CMIP: variants seen among roughly 807,000 people sequenced by gnomAD.
CMIP encodes C-Maf-inducing protein.
A neutral mutation model predicts 97.3 loss-of-function variants in CMIP; 13 were observed. The ratio of observed to expected loss-of-function variants is 0.13; its 90% CI spans 0.09 to 0.21. The LOEUF (loss-of-function observed/expected upper bound fraction) is 0.21. CMIP is among the 10% of genes least tolerant of loss of function. CMIP has a pLI of 1.00. For synonymous variants in CMIP, 538 were observed against 436.3 expected (o/e 1.23, Z -2.91); for missense variants, 847 against 1,024.9 (o/e 0.83, Z 2.37).
intron 1 of CMIP, among the ~76,000 whole-genome samples, chr16:81,570,140 T>G (rs1020243210): frequency 2.6e-5 from 4 of 152,216 alleles, no homozygotes; most frequent in Non-Finnish European, 1.5e-5. Flanking sequence ...GATCCTTGTT[T>G]GCTGTGATTT....
At chr16:81,547,086 G>A (rs1021405493) in intron 1 of CMIP, among the ~76,000 whole-genome samples, 2 of 152,184 alleles carry the variant, frequency 1.3e-5, no homozygotes, top group Non-Finnish European at 2.9e-5. Flanking sequence ...CACAGATGTG[G>A]GATGGCCGAG....
intron 1 of CMIP, among the ~76,000 whole-genome samples, chr16:81,580,564 G>C (rs2091279652): frequency 6.6e-6 from 1 of 151,414 alleles, no homozygotes; most frequent in Non-Finnish European, 1.5e-5. Context: ...CTCCCAAGTA[G>C]CTGGGACTAT....
chr16:81,688,833 G>A (rs574671726), intron 10 of CMIP, among the ~76,000 whole-genome samples: 131 of 152,040 alleles, frequency 8.6e-4, no homozygotes, highest in African/African-American at 2.5e-3. Context: ...AACAGGCCCC[G>A]GTGTGTGATG....
intron 1 of CMIP, among the ~76,000 whole-genome samples, chr16:81,471,211 CACAT>C (rs574235590): frequency 2.4e-3 from 368 of 152,318 alleles, no homozygotes; most frequent in African/African-American, 3.8e-3. Context: ...CATGCGCACA[CACAT>C]ACATGTACAC....
At chr16:81,465,555 G>A (rs1459595808) in intron 1 of CMIP, among the ~76,000 whole-genome samples, 1 of 152,240 alleles carries the variant, frequency 6.6e-6, no homozygotes, top group Non-Finnish European at 1.5e-5. Context: ...ACAATGCCTG[G>A]TTGTGGTTAG....
At chr16:81,585,091 C>G (rs1288139385) in intron 1 of CMIP, among the ~76,000 whole-genome samples, 1 of 152,208 alleles carries the variant, frequency 6.6e-6, no homozygotes. Context: ...CCTGTAATCC[C>G]AGCACTTTGG....
At chr16:81,696,462 A>G (rs2151088254) in intron 13 of CMIP, 98 bp from the exon 14 acceptor site, 1 of 1,206,370 alleles carries the variant, frequency 8.3e-7, no homozygotes, top group Non-Finnish European at 1.2e-6. Flanking sequence ...TGACTGCAGG[A>G]CTTGCCTGAG....
rs149240354 is a variant in CMIP, at chr16:81,544,427, A to AGTGT, written c.301-63126_301-63123dup. On this transcript the variant is annotated intron_variant, in intron 1 of 20. Coordinates refer to ENST00000537098, the MANE Select transcript of CMIP (RefSeq NM_198390.3). The stretch of plus-strand genomic sequence containing the variant: ...GACTCTGTCTCATCCTCAGGGGGTA[A>AGTGT]GTGTGTGTGTGTGTGTGCGCGCACA... Among the ~76,000 whole-genome samples, 1,130 of 150,990 alleles carry AGTGT rather than the reference A, an allele frequency of 7.5e-3. 5 individuals carry two copies. The highest frequency in any genetic ancestry group is 0.021 in the East Asian group (106 of 5,104).
chr16:81,584,018 G>C (rs1339308038), intron 1 of CMIP, among the ~76,000 whole-genome samples: 4 of 152,226 alleles, frequency 2.6e-5, no homozygotes, highest in African/African-American at 9.6e-5. Flanking sequence ...GGAAGGTGTG[G>C]AGGAATTGAA....
chr16:81,645,707 C>A, intron 3 of CMIP: 16 of 1,334,526 alleles, frequency 1.2e-5, no homozygotes, highest in Non-Finnish European at 1.6e-5. Context: ...TTGCCGCTGG[C>A]TGGTGGGGCT....
intron 1 of CMIP, among the ~76,000 whole-genome samples, chr16:81,541,536 C>G (rs1014340895): frequency 2.0e-5 from 3 of 152,126 alleles, no homozygotes; most frequent in Non-Finnish European, 4.4e-5. Context: ...GTTTACCAAA[C>G]CTGGTTACGC....
At chr16:81,577,136 C>T (rs374575434) in intron 1 of CMIP, among the ~76,000 whole-genome samples, 2 of 146,374 alleles carry the variant, frequency 1.4e-5, no homozygotes, top group South Asian at 2.1e-4. Context: ...CTATCACCTT[C>T]ATCACCACCA....
chr16:81,623,246 G>A (rs922916935), intron 3 of CMIP, among the ~76,000 whole-genome samples: 1 of 152,232 alleles, frequency 6.6e-6, no homozygotes, highest in Middle Eastern at 3.2e-3. Context: ...GATTCAGACA[G>A]TTGATTGAGC....
At chr16:81,676,043 C>T (rs903183355) in intron 9 of CMIP, among the ~76,000 whole-genome samples, 1 of 152,130 alleles carries the variant, frequency 6.6e-6, no homozygotes. Flanking sequence ...AGTTCCATTC[C>T]CCTCTGGCTG....
chr16:81,564,869 G>A (rs191403903), intron 1 of CMIP, among the ~76,000 whole-genome samples: 8 of 152,136 alleles, frequency 5.3e-5, no homozygotes, highest in African/African-American at 1.7e-4. Context: ...GAATGAATTC[G>A]CAGAGGAGAA....
intron 1 of CMIP, among the ~76,000 whole-genome samples, chr16:81,450,465 G>T (rs923893912): frequency 6.6e-6 from 1 of 152,180 alleles, no homozygotes; most frequent in African/African-American, 2.4e-5. Context: ...CATGTCTAGG[G>T]TTGCTGTAAG....
intron 1 of CMIP, among the ~76,000 whole-genome samples, chr16:81,586,588 C>A (rs1323196001): frequency 6.6e-6 from 1 of 152,114 alleles, no homozygotes; most frequent in African/African-American, 2.4e-5. Flanking sequence ...TCTCTGTAAT[C>A]GAGATTTAAT....
chr16:81,444,969 G>A lies in CMIP; in HGVS notation c.-273G>A, dbSNP rs1025459222. On this transcript the variant is annotated 5_prime_UTR_variant, in exon 1 of 21. Transcript: ENST00000537098. ...TCGGCCTCCCCCGCCCCTCCCCGTC[G>A]CCCGCCGAGCCCGGTCAGCCGCCGC... 7.7e-6 allele frequency among the ~76,000 whole-genome samples: 1 copy of A among 129,324 alleles called. No homozygotes were observed. The highest frequency in any genetic ancestry group is 1.6e-5 in the Non-Finnish European group (1 of 60,940). 84.8% of individuals were successfully genotyped at this position (129,324 alleles called of 152,430 possible). A position where few individuals can be genotyped will look rare whatever the true frequency, so the allele number is the denominator to read the frequency against.
At chr16:81,571,021 T>C (rs1188835347) in intron 1 of CMIP, among the ~76,000 whole-genome samples, 1 of 152,218 alleles carries the variant, frequency 6.6e-6, no homozygotes, top group Non-Finnish European at 1.5e-5. Context: ...ATAAAATGTT[T>C]TAATATTATT....
Sources: gnomAD v4.1 joint callset for allele counts (sites outside exome capture counted in the v4.1 genomes callset) on GRCh38, gnomAD v4.1.1 for gene constraint, MANE v1.5 for transcripts, NCBI Gene and HGNC (gene_info 2026-07-23, HGNC 2026-07-21) for gene names.